Variants in DNAJB4 observed in about 807,000 individuals in gnomAD.
DNAJB4 encodes dnaJ homolog subfamily B member 4.
A neutral mutation model predicts 26.6 loss-of-function variants in DNAJB4; 10 were observed. That is an observed-to-expected ratio of 0.38 (90% confidence interval 0.23 to 0.64). DNAJB4 has a LOEUF of 0.64. Among genes scored for constraint, DNAJB4 ranks in the 30% least tolerant of loss-of-function variants. The pLI, the probability that DNAJB4 is intolerant of heterozygous loss-of-function variation, is 0.58. For synonymous variants in DNAJB4, 136 were observed against 134.8 expected, an observed-to-expected ratio of 1.01 and a Z score of -0.06; for missense variants, 328 against 408.2, an observed-to-expected ratio of 0.80 and a Z score of 1.69.
At chr1:77,982,491 A>C (rs1291048501) in intron 1 of DNAJB4, among the ~76,000 whole-genome samples, 1 of 152,238 alleles carries the variant, frequency 6.6e-6, no homozygotes, top group African/African-American at 2.4e-5. Flanking sequence ...TTATTTATTC[A>C]GTGGTTACCC....
rs910173209 is a variant in DNAJB4, at chr1:77,988,011, A to G, written c.-32+7689A>G. On this transcript the variant is annotated intron_variant, in intron 1 of 2. Transcript: ENST00000426517. The stretch of plus-strand genomic sequence containing the variant: ...CATAATATATATGCATACATTATAT[A>G]TATATGTGTGTGTGTGTATTTCCCC... 3.3e-4 allele frequency among the ~76,000 whole-genome samples: 48 copies of G among 146,638 alleles called. 1 individual carries two copies. Among genetic ancestry groups the G allele is most frequent in the African/African-American group, 1.2e-3 (47 of 39,450 alleles).
Position 78,017,779 on chromosome 1 carries a change from T to TG in DNAJB4, c.*1532_*1533insG, listed in dbSNP as rs1401901053. 6.6e-6 allele frequency: 1 copy of TG among 151,736 alleles called. No homozygotes were observed. Among genetic ancestry groups the TG allele is most frequent in the African/African-American group, 2.4e-5 (1 of 41,314 alleles). The allele number at this position is 151,736 out of a possible 1,614,324, so 9.4% of individuals were successfully genotyped here. On this transcript the variant is annotated 3_prime_UTR_variant, in exon 3 of 3. Coordinates refer to ENST00000370763, the MANE Select transcript of DNAJB4 (RefSeq NM_007034.5). The stretch of plus-strand genomic sequence containing the variant: ...CAAACAATATATGGCTTTTTTTTTT[T>TG]TTGGTCTGGCCTCTTTCATTTAGCT...
chr1:77,990,487 C>T (rs1659905566), intron 1 of DNAJB4, among the ~76,000 whole-genome samples: 1 of 152,014 alleles, frequency 6.6e-6, no homozygotes. Flanking sequence ...TAAAATTTAC[C>T]TTATATTATC....
intron 1 of DNAJB4, among the ~76,000 whole-genome samples, chr1:77,985,567 A>T (rs952921501): frequency 6.6e-6 from 1 of 152,176 alleles, no homozygotes; most frequent in Non-Finnish European, 1.5e-5. Flanking sequence ...TGTTAGTTTT[A>T]AAAAATTTAT....
chr1:78,009,825 C>T (rs1660421578), intron 1 of DNAJB4, among the ~76,000 whole-genome samples: 1 of 152,110 alleles, frequency 6.6e-6, no homozygotes, highest in African/African-American at 2.4e-5. Context: ...GAGGTTTCAC[C>T]ATGTTGGTCA....
intron 1 of DNAJB4, among the ~76,000 whole-genome samples, chr1:78,006,078 A>T (rs1257542981): frequency 6.6e-6 from 1 of 152,212 alleles, no homozygotes; most frequent in South Asian, 2.1e-4. Flanking sequence ...AACATTATTT[A>T]TTTAGAAATT....
chr1:77,980,810 G>A (rs1659594223), intron 1 of DNAJB4, among the ~76,000 whole-genome samples: 1 of 152,130 alleles, frequency 6.6e-6, no homozygotes, highest in African/African-American at 2.4e-5. Flanking sequence ...CAGCTTTTAA[G>A]GCAGTAGTAT....
At position 78,013,460 on chromosome 1, in the gene DNAJB4, G is replaced by A; in HGVS notation, c.621G>A (p.Gly207=). The A allele has an allele frequency of 1.2e-6, 2 of 1,614,178 alleles. No homozygotes were observed. Among genetic ancestry groups the A allele is most frequent in the South Asian group, 2.2e-5 (2 of 91,084 alleles). ...DKILTIEIKK[G]WKEGTKITFP... The stretch of plus-strand genomic sequence containing the variant: ...TTCTTACCATTGAGATTAAAAAAGG[G>A]TGGAAAGAAGGCACCAAAATTACTT... Residue 207 remains glycine (G), a synonymous_variant, in exon 2 of 3, where the codon GGG becomes GGA. Transcript: ENST00000370763.
chr1:77,980,011 T>TAGC (rs1659487108), upstream of DNAJB4, among the ~76,000 whole-genome samples: 1 of 151,906 alleles, frequency 6.6e-6, no homozygotes, highest in African/African-American at 2.4e-5. Flanking sequence ...GCCTCCCGAG[T>TAGC]AGCTGGGACA....
At position 78,012,544 on chromosome 1, in the gene DNAJB4, T is replaced by A. The variant is rs192148074; in HGVS notation, c.212-507T>A. Among the ~76,000 whole-genome samples the A allele has an allele frequency of 9.9e-5, 15 of 152,126 alleles. No homozygotes were observed. The East Asian group carries it at 1.6e-3, about 16-fold the overall frequency. On this transcript the variant is annotated intron_variant, in intron 1 of 2. Coordinates refer to ENST00000370763, the MANE Select transcript of DNAJB4 (RefSeq NM_007034.5). ...TGCTGATTTGGCCGGAAGCAGTGGC[T>A]CACACTTGTAATTTCAGCACTTTGG...
At chr1:77,982,807 A>G (rs891458563) in intron 1 of DNAJB4, among the ~76,000 whole-genome samples, 2 of 144,100 alleles carry the variant, frequency 1.4e-5, no homozygotes, top group Non-Finnish European at 2.9e-5. Context: ...CAAAAACGAA[A>G]GAAAGAAAGA....
chr1:77,988,017 G>A (rs1659837930), intron 1 of DNAJB4, among the ~76,000 whole-genome samples: 1 of 141,378 alleles, frequency 7.1e-6, no homozygotes, highest in Non-Finnish European at 1.5e-5. Context: ...ATATATATAT[G>A]TGTGTGTGTG....
Position 78,013,182 on chromosome 1 carries a change from C to T in DNAJB4, c.343C>T (p.Arg115Ter), listed in dbSNP as rs1233844346. The T allele has an allele frequency of 1.4e-5, 22 of 1,614,046 alleles. No homozygotes were observed. Among genetic ancestry groups the T allele is most frequent in the Non-Finnish European group, 1.9e-5 (22 of 1,180,008 alleles). The change falls in exon 2 of 3, where the codon CGA becomes TGA. Residue 115 changes from arginine (R) to a stop codon, truncating the protein, a stop_gained. Transcript: ENST00000370763. LOFTEE classifies it high-confidence loss of function. Reference protein sequence around the residue: ...SNPFEIFFGRRMGGGRDSEEM... With the variant: ...SNPFEIFFGR ...CCCCTTTGAAATTTTCTTTGGAAGACGAATGGGTGGTGGTAGAGATTCTGA... is the reference window on the plus strand; with the variant it reads ...CCCCTTTGAAATTTTCTTTGGAAGATGAATGGGTGGTGGTAGAGATTCTGA...
intron 1 of DNAJB4, among the ~76,000 whole-genome samples, chr1:77,997,863 C>T (rs1373341568): frequency 6.6e-6 from 1 of 152,170 alleles, no homozygotes; most frequent in Non-Finnish European, 1.5e-5. Context: ...TCTTGGCCCA[C>T]TGCAACCTCC....
intron 1 of DNAJB4, among the ~76,000 whole-genome samples, chr1:78,012,370 G>A (rs1160586244): frequency 6.6e-6 from 1 of 150,976 alleles, no homozygotes; most frequent in Non-Finnish European, 1.5e-5. Context: ...CACTGTGTTG[G>A]CCAGGCTGGT....
intron 1 of DNAJB4, among the ~76,000 whole-genome samples, chr1:77,988,826 A>C (rs144283654): frequency 6.6e-6 from 1 of 152,356 alleles, no homozygotes; most frequent in East Asian, 1.9e-4. Context: ...GAATGTACAG[A>C]GAATGAGGCA....
At chr1:78,001,614 TGAA>T (rs1302735028), upstream of DNAJB4, among the ~76,000 whole-genome samples, 5 of 152,246 alleles carry the variant, frequency 3.3e-5, no homozygotes, top group Non-Finnish European at 7.3e-5. Context: ...AAGTAGAAGA[TGAA>T]GATGACATCA....
chr1:78,013,463 G>C lies in DNAJB4; in HGVS notation c.624G>C (p.Trp208Cys). The change falls in exon 2 of 3, where the codon TGG (tryptophan) becomes TGC (cysteine). Residue 208 changes from tryptophan to cysteine, a missense_variant. By Grantham distance (215) the Trp-to-Cys change is radical. Coordinates refer to ENST00000370763, the MANE Select transcript of DNAJB4 (RefSeq NM_007034.5). ...KILTIEIKKG[W>C]KEGTKITFPR... ...TTACCATTGAGATTAAAAAAGGGTG[G>C]AAAGAAGGCACCAAAATTACTTTTC... The C allele has an allele frequency of 1.2e-6, 2 of 1,614,140 alleles. No individual in the cohort carries two copies. The highest frequency in any genetic ancestry group is 1.7e-6 in the Non-Finnish European group (2 of 1,180,020).
At chr1:77,998,634 G>A (rs746145909) in intron 1 of DNAJB4, among the ~76,000 whole-genome samples, 3 of 152,096 alleles carry the variant, frequency 2.0e-5, no homozygotes, top group Non-Finnish European at 4.4e-5. Flanking sequence ...AAGCCCAGGA[G>A]TTCTAGACCA....
Sources: gnomAD v4.1 joint callset for allele counts (sites outside exome capture counted in the v4.1 genomes callset) on GRCh38, gnomAD v4.1.1 for gene constraint, MANE v1.5 for transcripts, NCBI Gene and HGNC (gene_info 2026-07-23, HGNC 2026-07-21) for gene names.